Variants in UFD1 observed in about 807,000 individuals in gnomAD.
UFD1 encodes ubiquitin recognition factor in ER-associated degradation protein 1.
In UFD1, 13 loss-of-function variants were observed where a neutral mutation model predicts 45.9. The ratio of observed to expected loss-of-function variants is 0.28; its 90% CI spans 0.18 to 0.45. The LOEUF (loss-of-function observed/expected upper bound fraction) is 0.45, where lower values mean the gene tolerates loss of function less well. Among genes scored for constraint, UFD1 ranks in the 20% least tolerant of loss-of-function variants. UFD1 has a pLI of 1.00. For synonymous variants in UFD1, 128 were observed against 139.2 expected (o/e 0.92, Z 0.56); for missense variants, 218 against 389.2 (o/e 0.56, Z 3.70).
chr22:19,463,486 AT>A (rs1404637158), intron 6 of UFD1, among the ~76,000 whole-genome samples: 2 of 152,134 alleles, frequency 1.3e-5, no homozygotes, highest in Non-Finnish European at 2.9e-5. Context: ...TAGGGATCTA[AT>A]TTTTATTGTC....
intron 6 of UFD1, among the ~76,000 whole-genome samples, chr22:19,464,919 T>C (rs1469811972): frequency 6.6e-6 from 1 of 152,230 alleles, no homozygotes; most frequent in African/African-American, 2.4e-5. Context: ...TGGGGACCTT[T>C]CAAACCAAGA....
chr22:19,453,517 C>T, intron 11 of UFD1: 1 of 985,472 alleles, frequency 1.0e-6, no homozygotes, highest in Non-Finnish European at 1.2e-6. Context: ...GGGGACGTCC[C>T]ATGCTAAGGT....
intron 4 of UFD1, among the ~76,000 whole-genome samples, chr22:19,469,348 G>C (rs1428354878): frequency 6.6e-6 from 1 of 152,166 alleles, no homozygotes; most frequent in African/African-American, 2.4e-5. Context: ...GCCAGGGATG[G>C]GGGGTGGCTT....
At chr22:19,463,871 T>C (rs969086597) in intron 6 of UFD1, among the ~76,000 whole-genome samples, 1 of 152,224 alleles carries the variant, frequency 6.6e-6, no homozygotes, top group African/African-American at 2.4e-5. Flanking sequence ...TCTTATATAA[T>C]GTACCCTCCC....
At chr22:19,457,007 C>T in intron 7 of UFD1, 89 bp from the exon 8 acceptor site, 1 of 861,420 alleles carries the variant, frequency 1.2e-6, no homozygotes. Flanking sequence ...ACTGTAGATT[C>T]ACATGCAGTT....
At position 19,476,233 on chromosome 22, in the gene UFD1, G is replaced by C. The variant is rs571206643; in HGVS notation, c.4-631C>G. Among the ~76,000 whole-genome samples the C allele has an allele frequency of 2.6e-5, 4 of 152,188 alleles. No homozygotes were observed. In the East Asian group the frequency reaches 7.7e-4, roughly 29 times the overall value. ...ACAAAGACCTGAATGCTATGAGAGGGAGCCAGGCAAAAAAGAGGGAAAGAC... is the reference window on the plus strand; with the variant it reads ...ACAAAGACCTGAATGCTATGAGAGGCAGCCAGGCAAAAAAGAGGGAAAGAC... On this transcript the variant is annotated intron_variant, in intron 1 of 11. Coordinates refer to ENST00000263202, the MANE Select transcript of UFD1 (RefSeq NM_005659.7).
At chr22:19,452,415 A>C (rs1197534544) in intron 11 of UFD1, 1 of 152,228 alleles carries the variant, frequency 6.6e-6, no homozygotes, top group Non-Finnish European at 1.5e-5. Context: ...CTGGAGGGAC[A>C]CAATCCAGCT....
intron 7 of UFD1, among the ~76,000 whole-genome samples, chr22:19,457,217 T>C (rs1007488072): frequency 3.3e-5 from 5 of 152,184 alleles, no homozygotes; most frequent in Non-Finnish European, 5.9e-5. Context: ...GTGTGGGGCA[T>C]GTATCCACCA....
intron 6 of UFD1, among the ~76,000 whole-genome samples, chr22:19,463,326 T>C (rs2089780111): frequency 6.6e-6 from 1 of 152,264 alleles, no homozygotes; most frequent in South Asian, 2.1e-4. Context: ...CTTTTATAGC[T>C]GTTGTTTAAC....
chr22:19,477,671 A>G (rs546565651), intron 1 of UFD1, among the ~76,000 whole-genome samples: 2 of 141,722 alleles, frequency 1.4e-5, no homozygotes, highest in South Asian at 4.8e-4. Flanking sequence ...AGATGATAAA[A>G]ATTTGGTTTT....
Position 19,477,704 on chromosome 22 carries a change from T to A in UFD1, c.3+1379A>T, listed in dbSNP as rs559925899. The stretch of plus-strand genomic sequence containing the variant: ...TTTTTTAACCACAACTAAAAAAAAA[T>A]CTGTATTAGAGAAAATTTCTTGACT... On this transcript the variant is annotated intron_variant, in intron 1 of 11. Coordinates refer to ENST00000263202, the MANE Select transcript of UFD1 (RefSeq NM_005659.7). 6.8e-5 allele frequency among the ~76,000 whole-genome samples: 10 copies of A among 147,016 alleles called. No homozygotes were observed. In the East Asian group the frequency reaches 2.0e-3, roughly 29 times the overall value.
At chr22:19,451,301 A>G in intron 11 of UFD1, 1 of 985,522 alleles carries the variant, frequency 1.0e-6, no homozygotes, top group Middle Eastern at 5.2e-4. Context: ...GAATTCCATG[A>G]TGTAGGAGGG....
intron 9 of UFD1, 162 bp downstream of exon 9, chr22:19,456,425 G>A (rs2089723391): frequency 2.3e-6 from 2 of 881,770 alleles, no homozygotes; most frequent in Admixed American, 2.1e-5. Context: ...GATACAAAAG[G>A]GTTTGGTAAC....
intron 11 of UFD1, chr22:19,453,002 T>C (rs1444382364): frequency 2.1e-6 from 2 of 974,358 alleles, no homozygotes; most frequent in African/African-American, 3.5e-5. Context: ...TCTGCTCCTT[T>C]GGTTTCTGTG....
chr22:19,453,221 A>G (rs1171563577), intron 11 of UFD1: 2 of 982,260 alleles, frequency 2.0e-6, no homozygotes, highest in African/African-American at 3.6e-5. Flanking sequence ...CCTTTTGAGA[A>G]TTCCACAATC....
intron 11 of UFD1, 24 bp downstream of exon 11, chr22:19,454,725 G>C: frequency 6.2e-7 from 1 of 1,613,366 alleles, no homozygotes; most frequent in Non-Finnish European, 8.5e-7. Context: ...TACCAACCAA[G>C]GAAATACAAG....
At chr22:19,465,330 A>G in intron 5 of UFD1, 56 bp from the exon 6 acceptor site, 1 of 1,495,806 alleles carries the variant, frequency 6.7e-7, no homozygotes, top group Non-Finnish European at 9.3e-7. Flanking sequence ...AATCTGAAAC[A>G]AGTTTCCATG....
intron 4 of UFD1, 121 bp downstream of exon 4, chr22:19,471,566 G>T: frequency 6.9e-7 from 1 of 1,450,176 alleles, no homozygotes; most frequent in Non-Finnish European, 9.3e-7. Flanking sequence ...GGTCGGCTCA[G>T]GCTAAGACGC....
rs762557245 is a variant in UFD1, at chr22:19,471,797, T to C, written c.181A>G (p.Ile61Val). 9.9e-6 allele frequency: 16 copies of C among 1,613,510 alleles called. No homozygotes were observed. Among genetic ancestry groups the C allele is most frequent in the East Asian group, 6.7e-5 (3 of 44,872 alleles). ...AGTTTGAACAGCATGGGATAGGTAA[T>C]GTTAAGTCGGCCTGAAAATAAGAGA... Reference protein sequence around the residue: ...SALDQLSRLNITYPMLFKLTN... With the variant: ...SALDQLSRLNVTYPMLFKLTN... The change falls in exon 4 of 12, where the codon ATT becomes GTT. Residue 61 changes from isoleucine to valine, a missense_variant. Transcript: ENST00000263202.
Sources: allele counts gnomAD v4.1 joint callset (sites outside exome capture counted in the v4.1 genomes callset), GRCh38; gene constraint gnomAD v4.1.1; transcripts MANE v1.5; gene names NCBI Gene and HGNC (gene_info 2026-07-23, HGNC 2026-07-21).